The following SPATS2 variants were observed in gnomAD, a reference collection of about 807,000 sequenced individuals.
The protein encoded by SPATS2 is spermatogenesis-associated serine-rich protein 2.
SPATS2 carries 38 observed loss-of-function variants against 63.7 expected under a neutral mutation model. The ratio of observed to expected loss-of-function variants is 0.60; its 90% CI spans 0.46 to 0.78. The LOEUF (loss-of-function observed/expected upper bound fraction) is 0.78, where lower values mean the gene tolerates loss of function less well. Ranked by LOEUF, SPATS2 falls within the 30% of genes least tolerant of loss-of-function variation. SPATS2 has a pLI of 0.00. For synonymous variants in SPATS2, 207 were observed against 232.9 expected, an observed-to-expected ratio of 0.89 and a Z score of 1.01; for missense variants, 588 against 666.2, an observed-to-expected ratio of 0.88 and a Z score of 1.29.
chr12:49,485,543 G>A (rs1319205757), intron 4 of SPATS2, among the ~76,000 whole-genome samples: 1 of 151,724 alleles, frequency 6.6e-6, no homozygotes, highest in Non-Finnish European at 1.5e-5. Flanking sequence ...TGTATTTGTA[G>A]TGGAGACAGG....
At chr12:49,461,069 A>G (rs1330474821) in intron 3 of SPATS2, 32 bp downstream of exon 3, 60 of 1,610,844 alleles carry the variant, frequency 3.7e-5, no homozygotes, top group Non-Finnish European at 4.8e-5. Context: ...AATTGTTAAA[A>G]GCATAGTTAT....
intron 3 of SPATS2, among the ~76,000 whole-genome samples, chr12:49,481,563 G>A (rs1946206991): frequency 6.7e-6 from 1 of 148,604 alleles, no homozygotes; most frequent in South Asian, 2.2e-4. Context: ...TGCCTCCCGG[G>A]TTCAAGCAAT....
chr12:49,436,897 G>T (rs1486303779), intron 2 of SPATS2, among the ~76,000 whole-genome samples: 10 of 143,716 alleles, frequency 7.0e-5, no homozygotes, highest in Admixed American at 1.4e-4. Context: ...GGGGCGGCTG[G>T]CCGGGCGGGG....
At chr12:49,525,754 A>G (rs770466183) in intron 13 of SPATS2, among the ~76,000 whole-genome samples, 190 bp from the exon 14 acceptor site, 60 of 152,248 alleles carry the variant, frequency 3.9e-4, no homozygotes, top group Non-Finnish European at 7.2e-4. Context: ...CATGAAGAGC[A>G]GGGAAAGATG....
intron 3 of SPATS2, among the ~76,000 whole-genome samples, chr12:49,472,672 G>C (rs1946056451): frequency 6.7e-6 from 1 of 148,624 alleles, no homozygotes; most frequent in Non-Finnish European, 1.5e-5. Flanking sequence ...CTCTTTAGAA[G>C]CAAGTGAAAT....
At chr12:49,434,191 A>G (rs1017211839) in intron 2 of SPATS2, among the ~76,000 whole-genome samples, 9 of 152,152 alleles carry the variant, frequency 5.9e-5, no homozygotes, top group African/African-American at 2.2e-4. Flanking sequence ...GCTTTGTAAT[A>G]TGTTTTGAAA....
chr12:49,487,778 A>G (rs1231807796), intron 4 of SPATS2, among the ~76,000 whole-genome samples: 3 of 152,016 alleles, frequency 2.0e-5, no homozygotes, highest in East Asian at 1.9e-4. Context: ...TATTTTTTGT[A>G]GAGACAAGGT....
chr12:49,380,010 C>T (rs1034878447), intron 2 of SPATS2, among the ~76,000 whole-genome samples: 14 of 152,072 alleles, frequency 9.2e-5, no homozygotes, highest in Admixed American at 7.9e-4. Context: ...CTCTGGCAAC[C>T]ACTGATTTGC....
At chr12:49,380,164 TCTC>T (rs1371232844) in intron 2 of SPATS2, among the ~76,000 whole-genome samples, 2 of 148,130 alleles carry the variant, frequency 1.4e-5, no homozygotes, top group African/African-American at 5.0e-5. Flanking sequence ...CATTCCTCTC[TCTC>T]TTTTTTTTTT....
intron 2 of SPATS2, among the ~76,000 whole-genome samples, chr12:49,378,391 G>A (rs753833599): frequency 1.5e-3 from 234 of 151,868 alleles, no homozygotes; most frequent in Middle Eastern, 3.4e-3. Flanking sequence ...TCCGCCTCCC[G>A]GGATCAAGCG....
chr12:49,476,648 C>T (rs1946123118), intron 3 of SPATS2, among the ~76,000 whole-genome samples: 1 of 152,164 alleles, frequency 6.6e-6, no homozygotes, highest in Non-Finnish European at 1.5e-5. Flanking sequence ...GTTTGAGCAG[C>T]AGGGCACTGA....
intron 2 of SPATS2, among the ~76,000 whole-genome samples, chr12:49,421,190 C>T (rs1316027929): frequency 1.3e-5 from 2 of 152,048 alleles, no homozygotes; most frequent in South Asian, 2.1e-4. Flanking sequence ...GAGGCCGAGG[C>T]GGGCGGATCA....
chr12:49,412,910 T>C (rs1024268579), intron 2 of SPATS2, among the ~76,000 whole-genome samples: 2 of 152,194 alleles, frequency 1.3e-5, no homozygotes, highest in Non-Finnish European at 1.5e-5. Context: ...AAAATATCTT[T>C]TGCCATGGTC....
chr12:49,514,304 G>T, intron 9 of SPATS2: 1 of 400,886 alleles, frequency 2.5e-6, no homozygotes, highest in South Asian at 3.9e-5. Flanking sequence ...TCTACAATTG[G>T]TGTACTGCTG....
At chr12:49,496,718 C>T in intron 7 of SPATS2, 115 bp from the exon 8 acceptor site, 1 of 1,033,710 alleles carries the variant, frequency 9.7e-7, no homozygotes, top group Middle Eastern at 2.4e-4. Context: ...TGTTTACAGT[C>T]TTTTAAGAGG....
rs532413298 is a variant in SPATS2 at position 49,414,939 on chromosome 12, T to C, written c.-244+43649T>C. 8.7e-4 allele frequency among the ~76,000 whole-genome samples: 126 copies of C among 145,376 alleles called. 2 individuals carry two copies. Among genetic ancestry groups the C allele is most frequent in the African/African-American group, 2.9e-3 (110 of 38,596 alleles). ...TCTTTTTCTTTTTTTCTTTTTCTTT[T>C]CTTTTTTTTTTTTTTTTGAGACAGA... On this transcript the variant is annotated intron_variant, in intron 2 of 13. Coordinates refer to ENST00000552918, the MANE Select transcript of SPATS2 (RefSeq NM_023071.4).
At chr12:49,434,806 C>T (rs1179819636) in intron 2 of SPATS2, among the ~76,000 whole-genome samples, 2 of 152,100 alleles carry the variant, frequency 1.3e-5, no homozygotes, top group African/African-American at 4.8e-5. Flanking sequence ...CCCAGACTGA[C>T]AGTTTCAAAT....
intron 3 of SPATS2, among the ~76,000 whole-genome samples, chr12:49,467,439 G>A (rs746310033): frequency 6.6e-6 from 1 of 152,116 alleles, no homozygotes; most frequent in Non-Finnish European, 1.5e-5. Flanking sequence ...GACTTGGGGA[G>A]TAATTCAAGG....
intron 3 of SPATS2, among the ~76,000 whole-genome samples, chr12:49,464,978 C>T (rs1282158691): frequency 3.3e-5 from 5 of 152,144 alleles, no homozygotes; most frequent in Non-Finnish European, 7.3e-5. Flanking sequence ...CATATTAGTA[C>T]AATATAGATA....
Sources: allele counts gnomAD v4.1 joint callset (sites outside exome capture counted in the v4.1 genomes callset), GRCh38; gene constraint gnomAD v4.1.1; transcripts MANE v1.5; gene names NCBI Gene and HGNC (gene_info 2026-07-23, HGNC 2026-07-21).